Variants in PDXDC1 observed in about 807,000 individuals in gnomAD.
The protein encoded by PDXDC1 is pyridoxal dependent decarboxylase domain containing 1.
Under a neutral mutation model 100.1 loss-of-function variants are expected in PDXDC1, and 42 were observed. The observed-to-expected ratio is 0.42, with a 90% CI of 0.33 to 0.54. PDXDC1 has a LOEUF of 0.54. PDXDC1 is among the 20% of genes least tolerant of loss of function. The probability of loss-of-function intolerance (pLI) is 0.10; values close to 1 mark genes in which losing one functional copy is unlikely to be tolerated. For synonymous variants in PDXDC1, 260 were observed against 371.7 expected, an observed-to-expected ratio of 0.70 and a Z score of 3.46; for missense variants, 636 against 979.2, an observed-to-expected ratio of 0.65 and a Z score of 4.68.
intron 16 of PDXDC1, chr16:15,047,434 G>C: frequency 6.5e-7 from 1 of 1,547,752 alleles, no homozygotes; most frequent in Non-Finnish European, 8.9e-7. Context: ...GAGCAGCGTA[G>C]ATCTCACCTT....
At chr16:15,084,973 G>A (rs1290281522) in intron 16 of PDXDC1, among the ~76,000 whole-genome samples, 1 of 152,054 alleles carries the variant, frequency 6.6e-6, no homozygotes, top group Non-Finnish European at 1.5e-5. Context: ...GGCTGAAGCA[G>A]GAGAACCACT....
At chr16:15,047,646 T>G in intron 16 of PDXDC1, 1 of 1,009,484 alleles carries the variant, frequency 9.9e-7, no homozygotes. Context: ...GCCTCATCTT[T>G]GAATATCCTG....
chr16:15,044,619 T>C, intron 16 of PDXDC1: 1 of 589,876 alleles, frequency 1.7e-6, no homozygotes, highest in South Asian at 2.1e-5. Flanking sequence ...CCCTGATGAC[T>C]GAGGGGATCC....
intron 16 of PDXDC1, chr16:15,076,640 G>T (rs753806504): frequency 1.9e-6 from 3 of 1,607,092 alleles, no homozygotes; most frequent in African/African-American, 2.7e-5. Flanking sequence ...ACCCTGCCGG[G>T]ATGCATTCAC....
chr16:15,046,294 G>C (rs973410799), intron 16 of PDXDC1, among the ~76,000 whole-genome samples: 1 of 152,144 alleles, frequency 6.6e-6, no homozygotes, highest in South Asian at 2.1e-4. Flanking sequence ...TTAAGCCTTC[G>C]TATATGATGG....
intron 16 of PDXDC1, chr16:15,125,704 C>A (rs755059986): frequency 7.4e-6 from 10 of 1,357,014 alleles, no homozygotes; most frequent in African/African-American, 5.7e-5. Context: ...AGCGTGGAGG[C>A]CTGAGAACGT....
At chr16:15,074,822 G>A (rs1223947161) in intron 16 of PDXDC1, 2 of 1,613,698 alleles carry the variant, frequency 1.2e-6, no homozygotes, top group South Asian at 1.1e-5. Context: ...AGCCGTTCAG[G>A]ACCAGCCTTT....
At chr16:15,064,948 C>T (rs1222780921) in intron 16 of PDXDC1, among the ~76,000 whole-genome samples, 17 of 152,034 alleles carry the variant, frequency 1.1e-4, no homozygotes, top group African/African-American at 2.7e-4. Flanking sequence ...GGGCGGATCA[C>T]GAGGTCAGGA....
chr16:15,095,861 GGTGTGTGTGTGTGT>G (rs113527217), intron 16 of PDXDC1, among the ~76,000 whole-genome samples: 6 of 134,356 alleles, frequency 4.5e-5, no homozygotes, highest in South Asian at 2.4e-4. Flanking sequence ...AAAAAAAAAA[GGTGTGTGTGTGTGT>G]GTGTGTGTGT....
At chr16:15,085,605 A>G (rs753121824) in intron 16 of PDXDC1, 1 of 1,603,620 alleles carries the variant, frequency 6.2e-7, no homozygotes, top group Admixed American at 1.7e-5. Flanking sequence ...GGTGAAAGCT[A>G]CTGTGCCCAG....
chr16:15,072,095 T>A (rs1432848250), intron 16 of PDXDC1, among the ~76,000 whole-genome samples: 2 of 151,956 alleles, frequency 1.3e-5, no homozygotes, highest in African/African-American at 4.8e-5. Flanking sequence ...AACTTCCAAC[T>A]TCTCCTAAAT....
chr16:15,041,550 G>T, downstream of PDXDC1: 1 of 989,254 alleles, frequency 1.0e-6, no homozygotes, highest in Non-Finnish European at 1.6e-6. Context: ...CGGTGCTTGG[G>T]CCCACTGCAA....
chr16:14,975,678 C>T (rs1176324081), intron 1 of PDXDC1: 2 of 985,170 alleles, frequency 2.0e-6, no homozygotes, highest in East Asian at 1.1e-4. Context: ...ATTGCCAAAG[C>T]AGTGGTTTTC....
intron 8 of PDXDC1, among the ~76,000 whole-genome samples, chr16:15,010,057 A>AT (rs1003736990): frequency 2.0e-5 from 3 of 152,248 alleles, no homozygotes; most frequent in East Asian, 1.9e-4. Context: ...ATTTTATTTT[A>AT]TTTTTTTGAG....
intron 16 of PDXDC1, chr16:15,076,433 C>T (rs973153457): frequency 1.5e-5 from 11 of 731,824 alleles, no homozygotes; most frequent in South Asian, 6.0e-5. Context: ...TATAAGGAAT[C>T]GTTTTCAAGT....
chr16:15,001,862 G>A lies in PDXDC1; in HGVS notation c.242+6G>A. On this transcript the variant is annotated splice_donor_region_variant and intron_variant, in intron 4 of 22. Transcript: ENST00000396410. ...GAGGAGCCCCAGAGCCCCAGGTAAT[G>A]AACCTGGCAGCTTCTCTTTTCAAGT... 6.3e-7 allele frequency: 1 copy of A among 1,597,770 alleles called. No homozygotes were observed. The highest frequency in any genetic ancestry group is 8.5e-7 in the Non-Finnish European group (1 of 1,174,024).
At chr16:15,116,515 A>AG (rs2047244224) in intron 16 of PDXDC1, among the ~76,000 whole-genome samples, 1 of 130,238 alleles carries the variant, frequency 7.7e-6, no homozygotes, top group African/African-American at 2.7e-5. Context: ...ACCAAGGTGG[A>AG]GATCATGAAA....
At position 15,016,172 on chromosome 16, in the gene PDXDC1, A is replaced by G. The variant is rs2041781433; in HGVS notation, c.771A>G (p.Lys257=). The change falls in exon 9 of 23, where the codon AAA becomes AAG. Residue 257 remains lysine, a synonymous_variant. Transcript: ENST00000396410. The part of the protein sequence containing the change: ...VGHTDKIGRL[K]ELCEQYGIWL... The stretch of plus-strand genomic sequence containing the variant: ...ACACAGACAAGATTGGGAGATTGAA[A>G]GAACTCTGTGAGCAGTATGGCATAT... 2 of 1,613,722 alleles carry G rather than the reference A, an allele frequency of 1.2e-6. No individual in the cohort carries two copies.
chr16:15,073,979 G>A (rs2045346661), intron 16 of PDXDC1, among the ~76,000 whole-genome samples: 1 of 152,100 alleles, frequency 6.6e-6, no homozygotes. Context: ...AAACACTTGT[G>A]TTTAGTGTGA....
Sources: gnomAD v4.1 joint callset for allele counts (sites outside exome capture counted in the v4.1 genomes callset) on GRCh38, gnomAD v4.1.1 for gene constraint, MANE v1.5 for transcripts, NCBI Gene and HGNC (gene_info 2026-07-23, HGNC 2026-07-21) for gene names.